Variants in TAFA1 observed in about 807,000 individuals in gnomAD.
TAFA1 encodes chemokine-like protein TAFA-1.
A neutral mutation model predicts 18.5 loss-of-function variants in TAFA1; 4 were observed. That is an observed-to-expected ratio of 0.22 (90% CI 0.11 to 0.49). TAFA1 has a LOEUF of 0.49. Ranked by LOEUF, TAFA1 falls within the 20% of genes least tolerant of loss-of-function variation. TAFA1 has a pLI of 0.98. For missense variants in TAFA1, 147 were observed against 169.0 expected, an observed-to-expected ratio of 0.87 and a Z score of 0.72; for synonymous variants, 56 against 55.2, an observed-to-expected ratio of 1.01 and a Z score of -0.06.
In TAFA1 at chr3:68,166,888, C is replaced by G. The variant is rs550878019; in HGVS notation, c.118+160144C>G. On this transcript the variant is annotated intron_variant, in intron 2 of 4. Coordinates refer to ENST00000478136, the MANE Select transcript of TAFA1 (RefSeq NM_213609.4). ...AAGTACATCCGCCGTGAAGCCTTAC[C>G]CAGTAGACATGCAGTAAATATCTTC... Among the ~76,000 whole-genome samples the G allele has an allele frequency of 5.9e-5, 9 of 152,114 alleles. No homozygotes were observed. The East Asian group carries it at 1.7e-3, about 29-fold the overall frequency.
intron 2 of TAFA1, among the ~76,000 whole-genome samples, chr3:68,014,580 A>G (rs765041699): frequency 2.0e-5 from 3 of 152,206 alleles, no homozygotes; most frequent in Non-Finnish European, 4.4e-5. Context: ...TGGTAGCTCC[A>G]AGAGGGAGAT....
Position 68,488,378 on chromosome 3 carries a change from C to T in TAFA1, c.260-50378C>T, listed in dbSNP as rs557477089. ...GGCAGCTGATTAGATGGTGCCCACT[C>T]AGATTGAGGGTGGGTCTACCTTCAG... On this transcript the variant is annotated intron_variant, in intron 3 of 4. Transcript: ENST00000478136. Among the ~76,000 whole-genome samples, 3 of 152,200 alleles carry T rather than the reference C, an allele frequency of 2.0e-5. No homozygotes were observed. In the South Asian group the frequency reaches 6.2e-4, roughly 32 times the overall value.
Position 68,140,225 on chromosome 3 carries a change from G to C in TAFA1, c.118+133481G>C, listed in dbSNP as rs2065653651. On this transcript the variant is annotated intron_variant, in intron 2 of 4. Transcript: ENST00000478136. ...GCACTTGAGGTTGGTTATCAAAGTTGATTCAGAAAATACAGCAGGCTTTGG... is the reference window on the plus strand; with the variant it reads ...GCACTTGAGGTTGGTTATCAAAGTTCATTCAGAAAATACAGCAGGCTTTGG... Among the ~76,000 whole-genome samples the C allele has an allele frequency of 2.0e-5, 3 of 152,272 alleles. No individual in the cohort carries two copies. In the Middle Eastern group the frequency reaches 0.01, roughly 521 times the overall value.
chr3:68,041,753 C>A (rs954077363), intron 2 of TAFA1, among the ~76,000 whole-genome samples: 4 of 152,192 alleles, frequency 2.6e-5, no homozygotes, highest in African/African-American at 4.8e-5. Flanking sequence ...TTCTCAATTT[C>A]TTCACCTTTG....
At chr3:68,450,173 C>A (rs1475595683) in intron 3 of TAFA1, among the ~76,000 whole-genome samples, 8 of 152,164 alleles carry the variant, frequency 5.3e-5, no homozygotes, top group Admixed American at 5.2e-4. Flanking sequence ...CCATGGGATT[C>A]ATGATTCATT....
At chr3:68,206,902 A>G (rs142595555) in intron 2 of TAFA1, among the ~76,000 whole-genome samples, 66 of 152,066 alleles carry the variant, frequency 4.3e-4, no homozygotes, top group African/African-American at 1.5e-3. Flanking sequence ...CACAGATGCT[A>G]GGAGCTGAGG....
At chr3:68,032,993 C>T (rs149629724) in intron 2 of TAFA1, among the ~76,000 whole-genome samples, 2 of 152,116 alleles carry the variant, frequency 1.3e-5, no homozygotes, top group Non-Finnish European at 2.9e-5. Context: ...CTTTCATTTC[C>T]CCCAAAATTA....
intron 2 of TAFA1, among the ~76,000 whole-genome samples, chr3:68,179,633 G>C (rs73095420): frequency 0.059 from 8,961 of 152,206 alleles, 371 homozygotes; most frequent in Non-Finnish European, 0.093. Flanking sequence ...TCCAGCCCTG[G>C]AGAACACTGA....
chr3:68,365,956 G>T (rs1005070203), intron 2 of TAFA1, among the ~76,000 whole-genome samples: 2 of 151,708 alleles, frequency 1.3e-5, no homozygotes, highest in Non-Finnish European at 2.9e-5. Flanking sequence ...ATGGTGGCAC[G>T]TGCCTGTAGT....
chr3:68,488,487 C>T (rs372822544), intron 3 of TAFA1, among the ~76,000 whole-genome samples: 15 of 152,246 alleles, frequency 9.9e-5, no homozygotes, highest in South Asian at 4.2e-4. Context: ...CAAGTTGACA[C>T]GCAATATTAA....
intron 3 of TAFA1, among the ~76,000 whole-genome samples, chr3:68,505,192 C>T (rs1206470079): frequency 1.3e-5 from 2 of 152,082 alleles, no homozygotes; most frequent in African/African-American, 4.8e-5. Flanking sequence ...GAGAGAGAAA[C>T]ATTTTACACT....
At chr3:68,527,822 G>A (rs1007270254) in intron 3 of TAFA1, among the ~76,000 whole-genome samples, 22 of 150,660 alleles carry the variant, frequency 1.5e-4, no homozygotes, top group African/African-American at 4.4e-4. Flanking sequence ...AAAATCTACC[G>A]ACTGAAGGAA....
chr3:68,518,172 G>A lies in TAFA1; in HGVS notation c.260-20584G>A, dbSNP rs142689945. Among the ~76,000 whole-genome samples, 400 of 152,274 alleles carry A rather than the reference G, an allele frequency of 2.6e-3. 2 individuals carry two copies. The highest frequency in any genetic ancestry group is 8.9e-3 in the African/African-American group (371 of 41,528). Reference sequence around the variant, plus strand: ...CTGGATTAGATCCTGCATCTTAATAGCTGTGTGAGCGTGGGCATGTTATGT... The same window carrying A: ...CTGGATTAGATCCTGCATCTTAATAACTGTGTGAGCGTGGGCATGTTATGT... On this transcript the variant is annotated intron_variant, in intron 3 of 4. Coordinates refer to ENST00000478136, the MANE Select transcript of TAFA1 (RefSeq NM_213609.4).
At chr3:68,321,704 C>T (rs181774644) in intron 2 of TAFA1, among the ~76,000 whole-genome samples, 14 of 152,270 alleles carry the variant, frequency 9.2e-5, no homozygotes, top group Admixed American at 8.5e-4. Flanking sequence ...TCCCTACCTT[C>T]ATCCATCCCC....
At chr3:68,022,513 G>C (rs926799208) in intron 2 of TAFA1, among the ~76,000 whole-genome samples, 1 of 152,110 alleles carries the variant, frequency 6.6e-6, no homozygotes, top group East Asian at 1.9e-4. Context: ...ACAGGTCAAA[G>C]TTTCAGTGAA....
At chr3:68,433,861 A>G (rs1279542674) in intron 3 of TAFA1, among the ~76,000 whole-genome samples, 4 of 152,136 alleles carry the variant, frequency 2.6e-5, no homozygotes, top group Non-Finnish European at 5.9e-5. Context: ...TGTGAGATAC[A>G]GATTTGGTGG....
intron 2 of TAFA1, among the ~76,000 whole-genome samples, chr3:68,254,404 C>T (rs1396566510): frequency 2.0e-5 from 3 of 151,980 alleles, no homozygotes; most frequent in Admixed American, 6.6e-5. Context: ...TCATTAATGT[C>T]AGCTAATACC....
At chr3:68,421,054 C>T (rs2070946987) in intron 3 of TAFA1, among the ~76,000 whole-genome samples, 1 of 152,126 alleles carries the variant, frequency 6.6e-6, no homozygotes, top group South Asian at 2.1e-4. Context: ...CTCTAATGAT[C>T]TAGAAATAGA....
At chr3:68,287,068 G>A (rs981277247) in intron 2 of TAFA1, among the ~76,000 whole-genome samples, 2 of 152,200 alleles carry the variant, frequency 1.3e-5, no homozygotes, top group Non-Finnish European at 2.9e-5. Context: ...AGAATTAAAA[G>A]TGATCAGCTT....
Sources: allele counts gnomAD v4.1 joint callset (sites outside exome capture counted in the v4.1 genomes callset), GRCh38; gene constraint gnomAD v4.1.1; transcripts MANE v1.5; gene names NCBI Gene and HGNC (gene_info 2026-07-23, HGNC 2026-07-21).